PCLO: variants seen among roughly 807,000 people sequenced by gnomAD.
PCLO encodes piccolo presynaptic cytomatrix protein.
PCLO carries 82 observed loss-of-function variants against 427.5 expected under a neutral mutation model. The observed-to-expected ratio is 0.19, with a 90% CI of 0.16 to 0.23. The LOEUF (loss-of-function observed/expected upper bound fraction) is 0.23. PCLO is among the 10% of genes least tolerant of loss of function. The pLI is 1.00. For synonymous variants in PCLO, 2,357 were observed against 2,155.4 expected (o/e 1.09, Z -2.59); for missense variants, 6,239 against 6,115.9 (o/e 1.02, Z -0.67).
At chr7:82,848,992 G>C in intron 10 of PCLO, 1 of 285,928 alleles carries the variant, frequency 3.5e-6, no homozygotes, top group Non-Finnish European at 7.4e-6. Flanking sequence ...AATATAGCAC[G>C]CTGAAAGAGG....
chr7:83,070,377 T>C (rs1789780502), intron 3 of PCLO, among the ~76,000 whole-genome samples: 1 of 147,122 alleles, frequency 6.8e-6, no homozygotes, highest in Non-Finnish European at 1.5e-5. Context: ...CTTGCTCTTC[T>C]ACGTTTTGTG....
intron 3 of PCLO, among the ~76,000 whole-genome samples, chr7:83,017,473 G>A (rs111526359): frequency 2.0e-5 from 3 of 151,862 alleles, no homozygotes; most frequent in Non-Finnish European, 4.4e-5. Context: ...GTAATACTCA[G>A]GACACATTTG....
At chr7:82,970,997 T>C (rs1199777153) in intron 3 of PCLO, among the ~76,000 whole-genome samples, 1 of 151,822 alleles carries the variant, frequency 6.6e-6, no homozygotes, top group African/African-American at 2.4e-5. Flanking sequence ...AGGTCACAAT[T>C]TTTTTTCATT....
chr7:82,801,546 C>T lies in PCLO; in HGVS notation c.14979G>A (p.Gly4993=). ...CAGTGTCTGCTAGTCCTACTCCTAC[C>T]CCTGGCTGTTTTACAGGCTCTTGTC... The part of the protein sequence containing the change: ...QNGQEPVKQP[G]VGVGLADTEA... The change falls in exon 22 of 25, where the codon GGG becomes GGA. Residue 4993 remains glycine, a synonymous_variant. Coordinates refer to ENST00000333891, the MANE Select transcript of PCLO (RefSeq NM_033026.6). 6.3e-7 allele frequency: 1 copy of T among 1,598,564 alleles called. No individual in the cohort carries two copies. The highest frequency in any genetic ancestry group is 1.1e-5 in the South Asian group (1 of 90,706).
At chr7:82,925,927 C>G (rs971559360) in intron 6 of PCLO, among the ~76,000 whole-genome samples, 11 of 151,404 alleles carry the variant, frequency 7.3e-5, no homozygotes, top group Non-Finnish European at 1.6e-4. Context: ...CTATGTTGCC[C>G]CGGCTGGTCT....
At chr7:82,925,104 G>A (rs553550668) in intron 6 of PCLO, among the ~76,000 whole-genome samples, 64 of 152,196 alleles carry the variant, frequency 4.2e-4, no homozygotes, top group African/African-American at 1.4e-3. Context: ...GGTAAGAAGA[G>A]TAATACTTAT....
chr7:82,894,725 A>G (rs138204449), intron 9 of PCLO, among the ~76,000 whole-genome samples: 9 of 152,164 alleles, frequency 5.9e-5, no homozygotes, highest in South Asian at 4.1e-4. Context: ...TGATAATTCT[A>G]TCAGACAGGG....
intron 6 of PCLO, among the ~76,000 whole-genome samples, chr7:82,923,117 G>A (rs548696111): frequency 3.5e-4 from 53 of 152,090 alleles, no homozygotes; most frequent in African/African-American, 1.2e-3. Flanking sequence ...TGAGTTAGAC[G>A]AGTATATAAT....
chr7:83,023,463 G>C (rs1436282448), intron 3 of PCLO, among the ~76,000 whole-genome samples: 1 of 152,108 alleles, frequency 6.6e-6, no homozygotes, highest in Non-Finnish European at 1.5e-5. Flanking sequence ...GAAATCTGAT[G>C]TACATTGCCA....
At chr7:82,899,908 A>G (rs1048354578) in intron 9 of PCLO, among the ~76,000 whole-genome samples, 3 of 151,562 alleles carry the variant, frequency 2.0e-5, no homozygotes, top group Non-Finnish European at 4.4e-5. Flanking sequence ...ATGATTTAGG[A>G]AAAAAATGAT....
chr7:82,953,847 T>C lies in PCLO; in HGVS notation c.7106A>G (p.Gln2369Arg). 7 of 1,613,528 alleles carry C rather than the reference T, an allele frequency of 4.3e-6. No individual in the cohort carries two copies. The highest frequency in any genetic ancestry group is 5.9e-6 in the Non-Finnish European group (7 of 1,179,654). The change falls in exon 5 of 25, where the codon CAG (glutamine) becomes CGG (arginine). Residue 2369 changes from glutamine to arginine, a missense_variant. Around this residue, in one of 5 missense-constraint regions of PCLO, gnomAD observed 4,677 missense variants for 4,468.4 expected, o/e 1.05. Coordinates refer to ENST00000333891, the MANE Select transcript of PCLO (RefSeq NM_033026.6). The part of the protein sequence containing the change: ...TYFTSGETFG[Q>R]EKPASQLPSG... The stretch of plus-strand genomic sequence containing the variant: ...TGGTAACTGAGATGCAGGTTTTTCC[T>C]GACCAAAGGTCTCTCCAGATGTAAA...
chr7:82,996,910 T>G (rs116754535), intron 3 of PCLO, among the ~76,000 whole-genome samples: 3,195 of 152,054 alleles, frequency 0.021, 117 homozygotes, highest in African/African-American at 0.073. Context: ...TTAGTGGACC[T>G]AAAAATTCTA....
chr7:83,083,404 C>T (rs944497003), intron 3 of PCLO, among the ~76,000 whole-genome samples: 10 of 151,974 alleles, frequency 6.6e-5, no homozygotes, highest in Non-Finnish European at 1.3e-4. Context: ...CATTAATTAT[C>T]TGTGGATGTA....
At chr7:82,777,841 C>T (rs1790786528) in intron 22 of PCLO, among the ~76,000 whole-genome samples, 1 of 152,010 alleles carries the variant, frequency 6.6e-6, no homozygotes, top group Admixed American at 6.6e-5. Context: ...ATCTAGGTCC[C>T]TCTGGACATA....
intron 6 of PCLO, among the ~76,000 whole-genome samples, chr7:82,947,716 T>G (rs930429559): frequency 1.3e-5 from 2 of 152,148 alleles, no homozygotes; most frequent in Non-Finnish European, 2.9e-5. Context: ...ACCTAGGGTT[T>G]TTCAGATTCT....
intron 3 of PCLO, among the ~76,000 whole-genome samples, chr7:83,037,632 T>C (rs1009025656): frequency 6.6e-6 from 1 of 151,618 alleles, no homozygotes; most frequent in Admixed American, 6.6e-5. Flanking sequence ...AGAATGCCAA[T>C]TCTGACTTTT....
chr7:82,796,222 T>C (rs1791220986), intron 22 of PCLO, among the ~76,000 whole-genome samples: 1 of 152,176 alleles, frequency 6.6e-6, no homozygotes, highest in African/African-American at 2.4e-5. Context: ...ATAGGGTATT[T>C]TGCAGTAAAT....
chr7:83,000,337 T>C (rs542580035), intron 3 of PCLO, among the ~76,000 whole-genome samples: 33 of 151,756 alleles, frequency 2.2e-4, no homozygotes, highest in Middle Eastern at 6.8e-3. Context: ...TTCTATACTC[T>C]GAAACTATCT....
At chr7:82,793,565 G>C (rs1791152612) in intron 22 of PCLO, among the ~76,000 whole-genome samples, 1 of 152,158 alleles carries the variant, frequency 6.6e-6, no homozygotes, top group Non-Finnish European at 1.5e-5. Context: ...AGTTTCTGTG[G>C]AGGGCCAATT....
Sources: gnomAD v4.1 joint callset for allele counts (sites outside exome capture counted in the v4.1 genomes callset) on GRCh38, gnomAD v4.1.1 for gene constraint, gnomAD v4.1.1 regional missense constraint, MANE v1.5 for transcripts, NCBI Gene and HGNC (gene_info 2026-07-23, HGNC 2026-07-21) for gene names.